The following KAZN variants were observed in gnomAD, a reference collection of about 807,000 sequenced individuals.
KAZN encodes kazrin.
Under a neutral mutation model 87.4 loss-of-function variants are expected in KAZN, and 40 were observed. The ratio of observed to expected loss-of-function variants is 0.46; its 90% confidence interval spans 0.36 to 0.60. The LOEUF is 0.60. Ranked by LOEUF, KAZN falls within the 20% of genes least tolerant of loss-of-function variation. The pLI, the probability that KAZN is intolerant of heterozygous loss-of-function variation, is 0.00. For missense variants in KAZN, 898 were observed against 1,073.9 expected (o/e 0.84, Z 2.29); for synonymous variants, 466 against 458.3 (o/e 1.02, Z -0.22).
chr1:14,790,394 A>G (rs1235617209), intron 1 of KAZN, among the ~76,000 whole-genome samples: 1 of 152,110 alleles, frequency 6.6e-6, no homozygotes, highest in East Asian at 1.9e-4. Flanking sequence ...GCAATATAAT[A>G]ATTCATTTAC....
In KAZN at chr1:14,773,366, C is replaced by T. The variant is rs1166814336; in HGVS notation, c.226+174143C>T. On this transcript the variant is annotated intron_variant, in intron 1 of 14. Transcript: ENST00000376030. This position sits in a 1 kb window ranked among gnomAD's most constrained non-coding sequence, Gnocchi z 5.9. Reference sequence around the variant, plus strand: ...ACCTCACCTGCCCACGATGCCATTGCTTCAAATGGCTTTCAACAACGCCCT... The same window carrying T: ...ACCTCACCTGCCCACGATGCCATTGTTTCAAATGGCTTTCAACAACGCCCT... Among the ~76,000 whole-genome samples the T allele has an allele frequency of 1.3e-5, 2 of 152,136 alleles. No individual in the cohort carries two copies. Among genetic ancestry groups the T allele is most frequent in the Non-Finnish European group, 2.9e-5 (2 of 68,026 alleles).
intron 2 of KAZN, among the ~76,000 whole-genome samples, chr1:14,394,520 T>C (rs1468284905): frequency 6.6e-6 from 1 of 152,156 alleles, no homozygotes; most frequent in Admixed American, 6.5e-5. Flanking sequence ...ATTTTTATAA[T>C]CTAAAGCCTT....
At chr1:14,859,008 C>A (rs183804405) in intron 1 of KAZN, among the ~76,000 whole-genome samples, 4 of 152,184 alleles carry the variant, frequency 2.6e-5, no homozygotes, top group African/African-American at 9.6e-5. Flanking sequence ...AGATCGAGAC[C>A]ATCCTGGCTA....
At chr1:14,502,054 C>T (rs1380788397) in intron 2 of KAZN, among the ~76,000 whole-genome samples, 2 of 151,988 alleles carry the variant, frequency 1.3e-5, no homozygotes, top group East Asian at 1.9e-4. Context: ...GGTTGCACTA[C>T]TCTCTGAACA....
chr1:14,854,071 G>T (rs892531763), intron 1 of KAZN, among the ~76,000 whole-genome samples: 11 of 152,314 alleles, frequency 7.2e-5, no homozygotes, highest in Admixed American at 7.2e-4. Context: ...CCCACCTGGA[G>T]GGCCATCAGA....
chr1:14,935,890 A>AT (rs1557637985), intron 1 of KAZN, among the ~76,000 whole-genome samples: 65 of 151,326 alleles, frequency 4.3e-4, no homozygotes, highest in Non-Finnish European at 1.0e-4. Context: ...AGCCTATAGC[A>AT]CCCCCGCCCC....
chr1:15,113,101 C>T (rs766471081), intron 14 of KAZN: 19 of 153,050 alleles, frequency 1.2e-4, no homozygotes, highest in Non-Finnish European at 2.2e-4. Context: ...CAGACAGAGA[C>T]GGCAGAACTG....
At chr1:14,567,947 G>A (rs748087502) in intron 2 of KAZN, among the ~76,000 whole-genome samples, 4 of 152,200 alleles carry the variant, frequency 2.6e-5, no homozygotes, top group East Asian at 1.9e-4. Flanking sequence ...AAACCCCCTC[G>A]CTTCAGTATG....
At chr1:13,952,923 T>A (rs1016343257) in intron 1 of KAZN, among the ~76,000 whole-genome samples, 1 of 152,204 alleles carries the variant, frequency 6.6e-6, no homozygotes, top group African/African-American at 2.4e-5. Context: ...CTCCTAGTTA[T>A]ATGATTCTTT....
chr1:15,010,969 A>G (rs1170066212), intron 2 of KAZN, among the ~76,000 whole-genome samples: 1 of 152,218 alleles, frequency 6.6e-6, no homozygotes, highest in African/African-American at 2.4e-5. Context: ...AGCTTCCATC[A>G]TCAGGAAATG....
At chr1:14,236,781 G>A (rs1003235157) in intron 2 of KAZN, among the ~76,000 whole-genome samples, 1 of 151,972 alleles carries the variant, frequency 6.6e-6, no homozygotes, top group Admixed American at 6.6e-5. Context: ...CAAAAGAGCC[G>A]GGTGTGGTGG....
In KAZN at chr1:14,500,051, T is replaced by C. The variant is rs1468941999; in HGVS notation, c.250-98932T>C. 3.3e-5 allele frequency among the ~76,000 whole-genome samples: 5 copies of C among 152,260 alleles called. No individual in the cohort carries two copies. In the East Asian group the frequency reaches 7.7e-4, roughly 23 times the overall value. On this transcript the variant is annotated intron_variant, in intron 2 of 16. Transcript: ENST00000636203. ...TATAATAATGAATTAAGTTGCATTA[T>C]ATGTCTTTATGTCATTGTGTTTGTA...
At position 15,099,057 on chromosome 1, in the gene KAZN, A is replaced by G. The variant is rs1172647394; in HGVS notation, c.1548-2486A>G. ...CTCCTGACCCAGCATGACATCTTGG[A>G]AGGCTTCCGGGAGACCAGACGTCTC... On this transcript the variant is annotated intron_variant, in intron 10 of 14. Transcript: ENST00000376030. This position sits in a 1 kb window ranked among gnomAD's most constrained non-coding sequence, Gnocchi z 5.4. Among the ~76,000 whole-genome samples, 1 of 152,156 alleles carries G rather than the reference A, an allele frequency of 6.6e-6. No homozygotes were observed. The highest frequency in any genetic ancestry group is 1.5e-5 in the Non-Finnish European group (1 of 68,026).
chr1:14,475,962 G>A (rs1354295325), intron 2 of KAZN, among the ~76,000 whole-genome samples: 1 of 152,180 alleles, frequency 6.6e-6, no homozygotes, highest in Non-Finnish European at 1.5e-5. Flanking sequence ...AAGAAGAGAA[G>A]GAGGATTGAG....
At chr1:14,778,056 C>T (rs1012842412) in intron 1 of KAZN, among the ~76,000 whole-genome samples, 4 of 152,164 alleles carry the variant, frequency 2.6e-5, no homozygotes, top group Non-Finnish European at 5.9e-5. Context: ...TGGCCTGTAT[C>T]CTGTGCCAAC....
At chr1:14,796,652 GTC>G (rs1421195214) in intron 1 of KAZN, among the ~76,000 whole-genome samples, 2 of 152,356 alleles carry the variant, frequency 1.3e-5, no homozygotes, top group South Asian at 4.1e-4. Flanking sequence ...GAAGATCACT[GTC>G]TCTTCATTTG....
At chr1:14,075,812 C>G (rs891827319) in intron 1 of KAZN, among the ~76,000 whole-genome samples, 2 of 152,276 alleles carry the variant, frequency 1.3e-5, no homozygotes, top group East Asian at 3.9e-4. Flanking sequence ...CATCCTTGGC[C>G]TCTGCCCACC....
At chr1:13,919,836 T>G (rs1252315310) in intron 1 of KAZN, among the ~76,000 whole-genome samples, 2 of 152,206 alleles carry the variant, frequency 1.3e-5, no homozygotes, top group Non-Finnish European at 2.9e-5. Flanking sequence ...ATATTTCTCA[T>G]AGGCCACCAC....
chr1:14,005,035 C>T (rs1324243015), intron 1 of KAZN, among the ~76,000 whole-genome samples: 2 of 152,030 alleles, frequency 1.3e-5, no homozygotes, highest in African/African-American at 2.4e-5. Context: ...TTAGACTTTC[C>T]AGCCTCCATA....
Sources: gnomAD v4.1 joint callset for allele counts (sites outside exome capture counted in the v4.1 genomes callset) on GRCh38, gnomAD v4.1.1 for gene constraint, Gnocchi (gnomAD v3.1) non-coding constraint, MANE v1.5 for transcripts, NCBI Gene and HGNC (gene_info 2026-07-23, HGNC 2026-07-21) for gene names.